Variants in SEH1L observed in about 807,000 individuals in gnomAD.
The protein encoded by SEH1L is nucleoporin SEH1.
Under a neutral mutation model 49.5 loss-of-function variants are expected in SEH1L, and 18 were observed. The observed-to-expected ratio is 0.36, with a 90% CI of 0.25 to 0.54. The LOEUF (loss-of-function observed/expected upper bound fraction) is 0.54. Ranked by LOEUF, SEH1L falls within the 20% of genes least tolerant of loss-of-function variation. The probability of loss-of-function intolerance (pLI) is 0.87; values close to 1 mark genes in which losing one functional copy is unlikely to be tolerated. For missense variants in SEH1L, 404 were observed against 528.8 expected, an observed-to-expected ratio of 0.76 and a Z score of 2.31; for synonymous variants, 169 against 178.1, an observed-to-expected ratio of 0.95 and a Z score of 0.41.
chr18:12,966,089 T>G (rs1420292492), intron 4 of SEH1L, among the ~76,000 whole-genome samples: 1 of 144,578 alleles, frequency 6.9e-6, no homozygotes, highest in African/African-American at 2.6e-5. Context: ...ATTTTTATTT[T>G]TATGGTTTTT....
intron 2 of SEH1L, among the ~76,000 whole-genome samples, chr18:12,953,678 G>T (rs1208431032): frequency 6.6e-6 from 1 of 152,136 alleles, no homozygotes; most frequent in East Asian, 1.9e-4. Flanking sequence ...TTAAGGTGAG[G>T]TTAACTTATA....
chr18:12,955,980 G>A (rs1275397814), intron 3 of SEH1L, among the ~76,000 whole-genome samples: 1 of 151,094 alleles, frequency 6.6e-6, no homozygotes, highest in African/African-American at 2.4e-5. Flanking sequence ...TTATAGGCAT[G>A]AGCCACTGTG....
At chr18:12,977,722 A>C (rs2031984825) in intron 5 of SEH1L, 1 of 152,200 alleles carries the variant, frequency 6.6e-6, no homozygotes, top group African/African-American at 2.4e-5. Flanking sequence ...TCTCAAAAAA[A>C]CCTCAATTCC....
Position 12,974,998 on chromosome 18 carries a change from AT to A in SEH1L, c.621-3743del, listed in dbSNP as rs200167127. On this transcript the variant is annotated intron_variant, in intron 5 of 8. Coordinates refer to ENST00000399892, the MANE Select transcript of SEH1L (RefSeq NM_001013437.2). ...CCTTAATTATTTTTATTTTTATTTTATTTTTTTTTTTGAGATGAAGTTTCAC... is the reference window on the plus strand; with the variant it reads ...CCTTAATTATTTTTATTTTTATTTTATTTTTTTTTTGAGATGAAGTTTCAC... Among the ~76,000 whole-genome samples, 367 of 146,986 alleles carry A rather than the reference AT, an allele frequency of 2.5e-3. 4 individuals carry two copies. The highest frequency in any genetic ancestry group is 7.8e-3 in the African/African-American group (316 of 40,364).
chr18:12,952,284 G>A (rs962486721), intron 2 of SEH1L, among the ~76,000 whole-genome samples: 2 of 149,796 alleles, frequency 1.3e-5, no homozygotes, highest in South Asian at 4.2e-4. Flanking sequence ...CCAGGTGGGA[G>A]TGCAGTGGCG....
intron 7 of SEH1L, 129 bp downstream of exon 7, chr18:12,982,804 T>C: frequency 1.4e-6 from 1 of 705,798 alleles, no homozygotes; most frequent in South Asian, 2.6e-5. Context: ...TATTAATTTA[T>C]GTTATTTTGA....
In SEH1L at chr18:12,982,586, A is replaced by G. The variant is rs772299912; in HGVS notation, c.830A>G (p.His277Arg). The change falls in exon 7 of 9, where the codon CAT (histidine) becomes CGT (arginine). Residue 277 changes from histidine to arginine, a missense_variant. Physicochemically the swap from His to Arg is conservative, Grantham distance 29 (BLOSUM62 0). Transcript: ENST00000399892. ...EIHIVAQFDN[H>R]NSQVWRVSWN... The stretch of plus-strand genomic sequence containing the variant: ...CATATAGTGGCTCAGTTCGATAATC[A>G]TAATTCTCAGGTCTGGCGAGTGAGT... 1.1e-5 allele frequency: 17 copies of G among 1,613,862 alleles called. No individual in the cohort carries two copies.
chr18:12,948,529 C>T (rs2030267922), intron 1 of SEH1L: 1 of 251,710 alleles, frequency 4.0e-6, no homozygotes, highest in Non-Finnish European at 7.5e-6. Context: ...GGGCGGGAAC[C>T]CAGGGGCATC....
chr18:12,971,109 G>A (rs1056587277), intron 4 of SEH1L, 44 bp from the exon 5 acceptor site: 1 of 1,340,910 alleles, frequency 7.5e-7, no homozygotes. Context: ...AATGAAATGT[G>A]TATTTCTTTT....
At chr18:12,960,363 C>A (rs2031113713) in intron 3 of SEH1L, among the ~76,000 whole-genome samples, 1 of 152,158 alleles carries the variant, frequency 6.6e-6, no homozygotes, top group African/African-American at 2.4e-5. Flanking sequence ...TTCCCAGCAC[C>A]ATTTCTTGAA....
chr18:12,976,377 C>T (rs2031919094), intron 5 of SEH1L: 1 of 152,382 alleles, frequency 6.6e-6, no homozygotes, highest in Admixed American at 6.5e-5. Context: ...CCACGGGCCC[C>T]ACTCACACTC....
rs1391889157 is a variant in SEH1L at position 12,987,516 on chromosome 18, G to A, written c.*459G>A. On this transcript the variant is annotated 3_prime_UTR_variant, in exon 9 of 9. Coordinates refer to ENST00000399892, the MANE Select transcript of SEH1L (RefSeq NM_001013437.2). ...AGTATGTAAAATAAATCATTCCTGT[G>A]TATAAAGCAGCAAAACCTAATGTGG... is the stretch of plus-strand genomic sequence containing the variant. 1 of 144,720 alleles carries A rather than the reference G, an allele frequency of 6.9e-6. No individual in the cohort carries two copies. 9.0% of individuals were successfully genotyped at this position (144,720 alleles called of 1,614,324 possible).
Position 12,986,200 on chromosome 18 carries a change from C to G in SEH1L, c.1071-662C>G, listed in dbSNP as rs1354233499. On this transcript the variant is annotated intron_variant, in intron 8 of 8. Coordinates refer to ENST00000399892, the MANE Select transcript of SEH1L (RefSeq NM_001013437.2). ...TCCTGTAAAGTTCTGACCTTGATAA[C>G]AAAGCTATAAATATTTAAGTTTGCT... The G allele has an allele frequency of 1.7e-5, 17 of 985,212 alleles. No homozygotes were observed. The African/African-American group carries it at 2.1e-4, about 12-fold the overall frequency. The allele number at this position is 985,212 out of a possible 1,614,324, so 61.0% of individuals were successfully genotyped here.
intron 4 of SEH1L, among the ~76,000 whole-genome samples, chr18:12,966,813 C>T (rs1051283471): frequency 6.6e-6 from 1 of 152,190 alleles, no homozygotes; most frequent in Non-Finnish European, 1.5e-5. Context: ...TCTGTTCTGT[C>T]TTTCTGGCAC....
chr18:12,949,419 T>C (rs2030353859), intron 1 of SEH1L, among the ~76,000 whole-genome samples: 1 of 150,800 alleles, frequency 6.6e-6, no homozygotes, highest in South Asian at 2.1e-4. Context: ...AGTTTATTTT[T>C]GTTGTAATAA....
chr18:12,976,264 GGA>G (rs1214213773), intron 5 of SEH1L: 2 of 152,268 alleles, frequency 1.3e-5, no homozygotes, highest in Admixed American at 6.5e-5. Flanking sequence ...CCTGAAAGCA[GGA>G]GAGTCTTCTC....
chr18:12,984,254 T>G (rs1261298102), intron 8 of SEH1L, 64 bp downstream of exon 8: 1 of 1,488,764 alleles, frequency 6.7e-7, no homozygotes, highest in Non-Finnish European at 9.3e-7. Context: ...TAGCCATACT[T>G]AAGGTGGATT....
intron 4 of SEH1L, 124 bp from the exon 5 acceptor site, chr18:12,971,029 G>A: frequency 1.5e-6 from 1 of 656,856 alleles, no homozygotes; most frequent in South Asian, 1.8e-5. Context: ...CAGAGACCTA[G>A]ATTCACTAGT....
At chr18:12,978,953 G>C in intron 6 of SEH1L, 61 bp downstream of exon 6, 1 of 1,501,188 alleles carries the variant, frequency 6.7e-7, no homozygotes, top group Non-Finnish European at 9.2e-7. Flanking sequence ...ACCTTTGTTT[G>C]TGGAGGAGAG....
Sources: gnomAD v4.1 joint callset for allele counts (sites outside exome capture counted in the v4.1 genomes callset) on GRCh38, gnomAD v4.1.1 for gene constraint, MANE v1.5 for transcripts, NCBI Gene and HGNC (gene_info 2026-07-23, HGNC 2026-07-21) for gene names.